Variants in B3GALT1 observed in about 807,000 individuals in gnomAD.
B3GALT1 encodes UDP-Gal:betaGlcNAc beta 1,3-galactosyltransferase, polypeptide 1.
In B3GALT1, 10 loss-of-function variants were observed where a neutral mutation model predicts 23.2. The ratio of observed to expected loss-of-function variants is 0.43; its 90% confidence interval spans 0.27 to 0.73. The LOEUF is 0.73. B3GALT1 is among the 30% of genes least tolerant of loss of function. The probability of loss-of-function intolerance (pLI) is 0.21; values close to 1 mark genes in which losing one functional copy is unlikely to be tolerated. For synonymous variants in B3GALT1, 156 were observed against 141.5 expected (o/e 1.10, Z -0.73); for missense variants, 299 against 405.4 (o/e 0.74, Z 2.25).
chr2:167,755,976 TA>T (rs1006614142), intron 3 of B3GALT1, among the ~76,000 whole-genome samples: 1 of 151,828 alleles, frequency 6.6e-6, no homozygotes, highest in African/African-American at 2.4e-5. Flanking sequence ...CCTCGTCTCT[TA>T]AAAAAACAAA....
chr2:167,613,460 T>G lies in B3GALT1; in HGVS notation c.-409-33449T>G, dbSNP rs150550770. Among the ~76,000 whole-genome samples, 335 of 151,444 alleles carry G rather than the reference T, an allele frequency of 2.2e-3. 5 individuals are homozygous for G. The East Asian group carries it at 0.045, about 20-fold the overall frequency. On this transcript the variant is annotated intron_variant, in intron 2 of 4. Transcript: ENST00000392690. ...AATTATATTCTTAAAATATTTTATATAATATACTAGAAAGAGGAAACAAAA... is the reference window on the plus strand; with the variant it reads ...AATTATATTCTTAAAATATTTTATAGAATATACTAGAAAGAGGAAACAAAA...
At chr2:167,513,098 T>C (rs1285363878) in intron 2 of B3GALT1, among the ~76,000 whole-genome samples, 1 of 128,642 alleles carries the variant, frequency 7.8e-6, no homozygotes, top group Non-Finnish European at 1.6e-5. Context: ...AAAAGTGGAA[T>C]CACTCAAACC....
intron 1 of B3GALT1, among the ~76,000 whole-genome samples, chr2:167,395,546 A>G (rs564226375): frequency 7.9e-5 from 12 of 152,298 alleles, no homozygotes; most frequent in African/African-American, 2.4e-4. Flanking sequence ...TGACATCTCA[A>G]TTTCAGCCCA....
intron 1 of B3GALT1, among the ~76,000 whole-genome samples, chr2:167,370,625 G>T (rs1697667371): frequency 6.6e-6 from 1 of 152,058 alleles, no homozygotes; most frequent in Admixed American, 6.6e-5. Flanking sequence ...ACATAAGTAG[G>T]TATAACTAAT....
intron 4 of B3GALT1, among the ~76,000 whole-genome samples, chr2:167,821,698 G>A (rs1689110611): frequency 6.6e-6 from 1 of 152,130 alleles, no homozygotes; most frequent in South Asian, 2.1e-4. Flanking sequence ...TCCTCCCAAA[G>A]TGCTGAGATT....
At position 167,868,900 on chromosome 2, in the gene B3GALT1, G is replaced by T. The variant is rs967841400; in HGVS notation, c.-140G>T. 1.1e-5 allele frequency: 11 copies of T among 969,224 alleles called. No individual in the cohort carries two copies. Among genetic ancestry groups the T allele is most frequent in the Non-Finnish European group, 1.5e-5 (10 of 658,512 alleles). The allele number at this position is 969,224 out of a possible 1,614,324, so 60.0% of individuals were successfully genotyped here. On this transcript the variant is annotated 5_prime_UTR_variant, in exon 5 of 5. Coordinates refer to ENST00000392690, the MANE Select transcript of B3GALT1 (RefSeq NM_020981.4). ...GCAGAGGTGACAGACAGCCACTGAGGCCCATGGACAATCTCCACCTCACGC... is the reference window on the plus strand; with the variant it reads ...GCAGAGGTGACAGACAGCCACTGAGTCCCATGGACAATCTCCACCTCACGC...
At chr2:167,799,721 G>A (rs1688604910) in intron 3 of B3GALT1, among the ~76,000 whole-genome samples, 1 of 152,058 alleles carries the variant, frequency 6.6e-6, no homozygotes, top group African/African-American at 2.4e-5. Context: ...CACTCTAAAT[G>A]GCTCTTAGTG....
At chr2:167,713,772 T>C (rs960496600) in intron 3 of B3GALT1, 48 of 1,589,888 alleles carry the variant, frequency 3.0e-5, no homozygotes, top group Non-Finnish European at 4.0e-5. Flanking sequence ...AATCCAGGTC[T>C]TGGATGAAAG....
intron 1 of B3GALT1, among the ~76,000 whole-genome samples, chr2:167,293,583 C>T (rs192521760): frequency 6.6e-6 from 1 of 151,902 alleles, no homozygotes; most frequent in Non-Finnish European, 1.5e-5. Flanking sequence ...TGCGTGTGTG[C>T]GCGCGCGCGG....
At chr2:167,682,003 G>GT (rs1004505645) in intron 3 of B3GALT1, among the ~76,000 whole-genome samples, 4 of 152,126 alleles carry the variant, frequency 2.6e-5, no homozygotes, top group African/African-American at 2.4e-5. Context: ...ATGAATTTTT[G>GT]TTTTTTTAAG....
chr2:167,621,603 C>T (rs765859497), intron 2 of B3GALT1, among the ~76,000 whole-genome samples: 3 of 151,994 alleles, frequency 2.0e-5, no homozygotes, highest in Non-Finnish European at 4.4e-5. Flanking sequence ...TATGGTTTGG[C>T]TGTGTCCCCA....
chr2:167,799,926 AT>A (rs1247686512), intron 3 of B3GALT1, among the ~76,000 whole-genome samples: 25 of 151,600 alleles, frequency 1.6e-4, no homozygotes, highest in Non-Finnish European at 1.5e-5. Flanking sequence ...TCTGACTTCA[AT>A]AAAAGTTCTA....
At chr2:167,395,216 T>A (rs1698076569) in intron 1 of B3GALT1, among the ~76,000 whole-genome samples, 1 of 152,098 alleles carries the variant, frequency 6.6e-6, no homozygotes, top group South Asian at 2.1e-4. Flanking sequence ...TTCAGACATG[T>A]TCATGTTCTA....
At chr2:167,501,535 C>G (rs1699847613) in intron 2 of B3GALT1, among the ~76,000 whole-genome samples, 1 of 150,950 alleles carries the variant, frequency 6.6e-6, no homozygotes, top group Non-Finnish European at 1.5e-5. Flanking sequence ...GCAACAAAAC[C>G]AAGATAAAAA....
At chr2:167,570,633 C>A (rs558824686) in intron 2 of B3GALT1, among the ~76,000 whole-genome samples, 11 of 151,982 alleles carry the variant, frequency 7.2e-5, no homozygotes, top group East Asian at 5.8e-4. Context: ...GTGCTTCTTA[C>A]CAGTTAAGTC....
intron 1 of B3GALT1, among the ~76,000 whole-genome samples, chr2:167,368,389 T>C (rs530084659): frequency 1.3e-5 from 2 of 152,312 alleles, no homozygotes; most frequent in East Asian, 3.9e-4. Context: ...ACATAAATCC[T>C]GAGGGTTTAA....
chr2:167,661,803 T>C (rs1253326545), intron 3 of B3GALT1, among the ~76,000 whole-genome samples: 1 of 152,132 alleles, frequency 6.6e-6, no homozygotes, highest in East Asian at 1.9e-4. Flanking sequence ...GATAAATTAG[T>C]CAGGGGTTAT....
chr2:167,657,592 G>T (rs986150785), intron 3 of B3GALT1, among the ~76,000 whole-genome samples: 7 of 152,030 alleles, frequency 4.6e-5, no homozygotes, highest in African/African-American at 1.7e-4. Context: ...TTATCAAATT[G>T]GGACAAACAT....
chr2:167,675,773 A>T (rs538464208), intron 3 of B3GALT1, among the ~76,000 whole-genome samples: 1 of 152,258 alleles, frequency 6.6e-6, no homozygotes, highest in East Asian at 1.9e-4. Context: ...TTGTGATTTC[A>T]TGTGAAAACA....
Sources: allele counts gnomAD v4.1 joint callset (sites outside exome capture counted in the v4.1 genomes callset), GRCh38; gene constraint gnomAD v4.1.1; transcripts MANE v1.5; gene names NCBI Gene and HGNC (gene_info 2026-07-23, HGNC 2026-07-21).